Variants in C12orf54 observed in about 807,000 individuals in gnomAD.
C12orf54 encodes the protein uncharacterized protein C12orf54.
Under a neutral mutation model 26.4 loss-of-function variants are expected in C12orf54, and 24 were observed. The observed-to-expected ratio is 0.91, with a 90% CI of 0.66 to 1.28. C12orf54 has a LOEUF of 1.28. Among genes scored for constraint, C12orf54 ranks in the 50% most tolerant of loss-of-function variants. The probability of loss-of-function intolerance (pLI) is 0.00; values close to 1 mark genes in which losing one functional copy is unlikely to be tolerated. For missense variants in C12orf54, 154 were observed against 150.9 expected (o/e 1.02, Z -0.11); for synonymous variants, 54 against 47.0 (o/e 1.15, Z -0.61).
At chr12:48,433,176 G>A in the C12orf54 span, among the ~76,000 whole-genome samples, 5 of 152,158 alleles carry the variant, frequency 3.3e-5, no homozygotes, top group Non-Finnish European at 2.9e-5. Context: ...AATGGCAACA[G>A]CAGATCAGCC....
At chr12:48,457,296 G>T in the C12orf54 span, among the ~76,000 whole-genome samples, 1 of 151,556 alleles carries the variant, frequency 6.6e-6, no homozygotes, top group African/African-American at 2.4e-5. Flanking sequence ...GGTGGTGGTG[G>T]TGGTGGTGGT....
chr12:48,467,702 A>C, the C12orf54 span, among the ~76,000 whole-genome samples: 1 of 152,126 alleles, frequency 6.6e-6, no homozygotes, highest in African/African-American at 2.4e-5. Context: ...AAACTTTTGA[A>C]TTCATGGATA....
At chr12:48,414,271 GT>G in the C12orf54 span, among the ~76,000 whole-genome samples, 1 of 152,196 alleles carries the variant, frequency 6.6e-6, no homozygotes, top group Non-Finnish European at 1.5e-5. Context: ...GACAAGGACT[GT>G]TGACTCCAGT....
At chr12:48,435,218 A>G in the C12orf54 span, among the ~76,000 whole-genome samples, 1 of 152,224 alleles carries the variant, frequency 6.6e-6, no homozygotes, top group Non-Finnish European at 1.5e-5. Flanking sequence ...AGAAAAAAGA[A>G]TAAAAAGAAA....
At chr12:48,475,381 C>T in the C12orf54 span, among the ~76,000 whole-genome samples, 4 of 152,144 alleles carry the variant, frequency 2.6e-5, no homozygotes, top group Admixed American at 6.5e-5. Context: ...AGCAACAGAA[C>T]AAAGCTGGAT....
chr12:48,470,891 G>C, the C12orf54 span, among the ~76,000 whole-genome samples: 2 of 151,880 alleles, frequency 1.3e-5, no homozygotes, highest in Admixed American at 1.3e-4. Context: ...TTTGATACAG[G>C]CATGCAATGT....
At chr12:48,475,763 C>T in the C12orf54 span, among the ~76,000 whole-genome samples, 44 of 152,324 alleles carry the variant, frequency 2.9e-4, no homozygotes, top group African/African-American at 9.9e-4. Context: ...ACGAAATCTA[C>T]ATCTGATTGG....
At chr12:48,432,784 G>A in the C12orf54 span, among the ~76,000 whole-genome samples, 71 of 151,734 alleles carry the variant, frequency 4.7e-4, no homozygotes, top group African/African-American at 1.2e-3. Flanking sequence ...CAGGAAAATC[G>A]CTTGAACTCA....
At chr12:48,433,614 A>G in the C12orf54 span, among the ~76,000 whole-genome samples, 5 of 151,888 alleles carry the variant, frequency 3.3e-5, no homozygotes, top group Non-Finnish European at 7.4e-5. Context: ...CCCCTGGCTA[A>G]TTTTTTGTAT....
chr12:48,420,584 C>T, the C12orf54 span, among the ~76,000 whole-genome samples: 1 of 152,180 alleles, frequency 6.6e-6, no homozygotes, highest in Non-Finnish European at 1.5e-5. Flanking sequence ...GCATCTCTAT[C>T]TCCCAGTCTC....
At chr12:48,432,116 T>A in the C12orf54 span, among the ~76,000 whole-genome samples, 26 of 152,232 alleles carry the variant, frequency 1.7e-4, no homozygotes, top group African/African-American at 5.5e-4. Context: ...TCTACCTAAG[T>A]AGGCTGATTC....
At chr12:48,457,955 C>G in the C12orf54 span, among the ~76,000 whole-genome samples, 1 of 152,170 alleles carries the variant, frequency 6.6e-6, no homozygotes, top group Non-Finnish European at 1.5e-5. Flanking sequence ...CCTCCTCTGA[C>G]AGATCACAGA....
At chr12:48,442,694 G>T in the C12orf54 span, 2 of 165,114 alleles carry the variant, frequency 1.2e-5, no homozygotes, top group South Asian at 1.6e-4. Flanking sequence ...TTTCTTCTCA[G>T]ACAGGAGGTT....
At chr12:48,464,719 GAC>G in the C12orf54 span, among the ~76,000 whole-genome samples, 1 of 152,046 alleles carries the variant, frequency 6.6e-6, no homozygotes, top group South Asian at 2.1e-4. Context: ...TACAAAAACA[GAC>G]ACATAAACCA....
At chr12:48,461,211 A>T in the C12orf54 span, among the ~76,000 whole-genome samples, 1 of 151,910 alleles carries the variant, frequency 6.6e-6, no homozygotes, top group Admixed American at 6.6e-5. Context: ...GTCAATTCAT[A>T]AAAAAAGCAT....
the C12orf54 span, among the ~76,000 whole-genome samples, chr12:48,441,771 T>C: frequency 0.82 from 125,132 of 152,124 alleles, 51,759 homozygotes; most frequent in East Asian, 0.88. Context: ...ATCCATCTTC[T>C]TCTGACTAGG....
chr12:48,437,675 A>G, the C12orf54 span, among the ~76,000 whole-genome samples: 3 of 152,242 alleles, frequency 2.0e-5, no homozygotes, highest in African/African-American at 7.2e-5. Flanking sequence ...CAATCGATGC[A>G]GAAAAGGCCT....
At chr12:48,421,915 A>C in the C12orf54 span, among the ~76,000 whole-genome samples, 3 of 152,182 alleles carry the variant, frequency 2.0e-5, no homozygotes, top group Non-Finnish European at 4.4e-5. Context: ...AAATAAGTAA[A>C]TTGTATATAT....
chr12:48,456,406 C>T, the C12orf54 span, among the ~76,000 whole-genome samples: 9 of 152,192 alleles, frequency 5.9e-5, no homozygotes, highest in Admixed American at 1.3e-4. Flanking sequence ...TACCATTTGA[C>T]CCTGCCTTAT....
Sources: gnomAD v4.1 joint callset for allele counts (sites outside exome capture counted in the v4.1 genomes callset) on GRCh38, gnomAD v4.1.1 for gene constraint, MANE v1.5 for transcripts, NCBI Gene and HGNC (gene_info 2026-07-23, HGNC 2026-07-21) for gene names.